The following NRXN3 variants were observed in gnomAD, a reference collection of about 807,000 sequenced individuals.
NRXN3 encodes neurexin 3.
NRXN3 carries 32 observed loss-of-function variants against 137.6 expected under a neutral mutation model. The ratio of observed to expected loss-of-function variants is 0.23; its 90% CI spans 0.18 to 0.31. The LOEUF (loss-of-function observed/expected upper bound fraction) is 0.31. NRXN3 is among the 10% of genes least tolerant of loss of function. The pLI, the probability that NRXN3 is intolerant of heterozygous loss-of-function variation, is 1.00. For missense variants in NRXN3, 1,574 were observed against 2,062.5 expected (o/e 0.76, Z 4.59); for synonymous variants, 798 against 784.5 (o/e 1.02, Z -0.29).
chr14:78,745,100 T>C (rs1014188628), intron 8 of NRXN3: 3 of 152,260 alleles, frequency 2.0e-5, no homozygotes, highest in African/African-American at 7.2e-5. Context: ...TGAGCTCTCC[T>C]GTCAGCATGA....
At chr14:78,454,326 C>T (rs934850391) in intron 4 of NRXN3, among the ~76,000 whole-genome samples, 1 of 152,076 alleles carries the variant, frequency 6.6e-6, no homozygotes, top group African/African-American at 2.4e-5. Context: ...GTCCAAGCCC[C>T]ATTCCCAGGC....
chr14:79,608,795 T>C (rs2098058976), intron 16 of NRXN3, among the ~76,000 whole-genome samples: 1 of 152,046 alleles, frequency 6.6e-6, no homozygotes, highest in African/African-American at 2.4e-5. Flanking sequence ...TTTTTTTTCC[T>C]GCATATACTT....
chr14:79,634,381 G>A (rs142032932), intron 16 of NRXN3, among the ~76,000 whole-genome samples: 3 of 152,130 alleles, frequency 2.0e-5, no homozygotes, highest in East Asian at 1.9e-4. Context: ...GATAGGTTAC[G>A]TATGGAAAAA....
intron 15 of NRXN3, among the ~76,000 whole-genome samples, chr14:79,303,983 AT>A (rs1424803364): frequency 5.9e-5 from 9 of 152,072 alleles, no homozygotes; most frequent in African/African-American, 2.2e-4. Flanking sequence ...ACCTTTTAAC[AT>A]TTGCTTAATA....
At chr14:79,323,284 CTCTTGTCTTAG>C (rs1266229578) in intron 15 of NRXN3, among the ~76,000 whole-genome samples, 1 of 152,092 alleles carries the variant, frequency 6.6e-6, no homozygotes, top group Non-Finnish European at 1.5e-5. Flanking sequence ...TCAAGTAATC[CTCTTGTCTTAG>C]TCTTCCAAAG....
chr14:79,484,091 A>G (rs899611540), intron 16 of NRXN3, among the ~76,000 whole-genome samples: 1 of 152,136 alleles, frequency 6.6e-6, no homozygotes, highest in African/African-American at 2.4e-5. Context: ...CTGGTCACGA[A>G]CCGGATCAGT....
At chr14:78,407,271 C>T (rs989236002) in intron 4 of NRXN3, among the ~76,000 whole-genome samples, 1 of 152,076 alleles carries the variant, frequency 6.6e-6, no homozygotes. Context: ...TAGGAGGAAC[C>T]AGGAGACATG....
intron 1 of NRXN3, among the ~76,000 whole-genome samples, chr14:78,224,828 G>T (rs183023089): frequency 7.9e-5 from 11 of 140,086 alleles, no homozygotes; most frequent in Admixed American, 3.0e-4. Context: ...CTGCAGTGGC[G>T]CAATCTCGGC....
intron 15 of NRXN3, among the ~76,000 whole-genome samples, chr14:79,008,012 A>T (rs2152379438): frequency 6.6e-6 from 1 of 151,900 alleles, no homozygotes; most frequent in Non-Finnish European, 1.5e-5. Context: ...GCCCAAGGTG[A>T]CTCCAATTCT....
chr14:79,376,409 G>A (rs1201675102), intron 15 of NRXN3, among the ~76,000 whole-genome samples: 4 of 151,740 alleles, frequency 2.6e-5, no homozygotes, highest in South Asian at 2.1e-4. Context: ...ACACGGAAAC[G>A]TGGAGTCTAT....
chr14:79,552,611 T>C (rs1204817875), intron 16 of NRXN3, among the ~76,000 whole-genome samples: 2 of 152,094 alleles, frequency 1.3e-5, no homozygotes, highest in Non-Finnish European at 2.9e-5. Flanking sequence ...AATACCCTTT[T>C]CATAGGGGAG....
chr14:79,390,045 C>T (rs979591481), intron 15 of NRXN3, among the ~76,000 whole-genome samples: 15 of 152,096 alleles, frequency 9.9e-5, no homozygotes, highest in Non-Finnish European at 1.5e-4. Context: ...GGTCCAGGAG[C>T]GGTGGCTCAC....
chr14:78,911,932 T>A (rs77259729), intron 10 of NRXN3, among the ~76,000 whole-genome samples: 4 of 151,888 alleles, frequency 2.6e-5, no homozygotes, highest in Admixed American at 6.6e-5. Flanking sequence ...GTTTTTTTTT[T>A]ATTATACTTT....
At chr14:79,167,044 G>C (rs112560190) in intron 15 of NRXN3, among the ~76,000 whole-genome samples, 165 of 152,020 alleles carry the variant, frequency 1.1e-3, no homozygotes, top group African/African-American at 3.7e-3. Context: ...GAAGTTTGAT[G>C]CTGAAATTAC....
chr14:79,410,773 C>T (rs2095406159), intron 15 of NRXN3, among the ~76,000 whole-genome samples: 1 of 152,096 alleles, frequency 6.6e-6, no homozygotes, highest in Non-Finnish European at 1.5e-5. Flanking sequence ...TATGTAATGA[C>T]TCATTTATCA....
intron 10 of NRXN3, among the ~76,000 whole-genome samples, chr14:78,857,523 T>A (rs1387858455): frequency 6.6e-6 from 1 of 152,200 alleles, no homozygotes; most frequent in African/African-American, 2.4e-5. Flanking sequence ...AATTAAAAAG[T>A]CATCCAGTGT....
chr14:79,761,970 G>T (rs1051714431), intron 19 of NRXN3, among the ~76,000 whole-genome samples: 1 of 151,568 alleles, frequency 6.6e-6, no homozygotes, highest in Admixed American at 6.6e-5. Flanking sequence ...ATAAGCATTT[G>T]CTTGTAGCAG....
At chr14:78,405,683 A>T (rs1463007004) in intron 4 of NRXN3, among the ~76,000 whole-genome samples, 1 of 151,722 alleles carries the variant, frequency 6.6e-6, no homozygotes, top group South Asian at 2.1e-4. Context: ...AGCCAAGGGG[A>T]TTGTGGACAG....
intron 15 of NRXN3, among the ~76,000 whole-genome samples, chr14:79,255,123 G>A (rs1215666815): frequency 1.3e-5 from 2 of 152,120 alleles, no homozygotes; most frequent in African/African-American, 4.8e-5. Context: ...TTGATTCCCT[G>A]AGCCAATTTT....
Sources: gnomAD v4.1 joint callset for allele counts (sites outside exome capture counted in the v4.1 genomes callset) on GRCh38, gnomAD v4.1.1 for gene constraint, MANE v1.5 for transcripts, NCBI Gene and HGNC (gene_info 2026-07-23, HGNC 2026-07-21) for gene names.